The following SDR42E1 variants were observed in gnomAD, a reference collection of about 807,000 sequenced individuals.
The protein encoded by SDR42E1 is short chain dehydrogenase/reductase family 42E, member 1, also known as short-chain dehydrogenase/reductase family 42E member 1.
SDR42E1 carries 5 observed loss-of-function variants against 2.6 expected under a neutral mutation model. The observed-to-expected ratio is 1.94, with a 90% CI of 1.01 to 4.08. The LOEUF (loss-of-function observed/expected upper bound fraction) is 4.08. SDR42E1 is among the 30% of genes most tolerant of loss of function. The pLI is 0.00. For synonymous variants in SDR42E1, 231 were observed against 188.3 expected, an observed-to-expected ratio of 1.23 and a Z score of -1.86; for missense variants, 596 against 478.6, an observed-to-expected ratio of 1.25 and a Z score of -2.29.
At chr16:82,006,883 C>A (rs916014666) in intron 1 of SDR42E1, among the ~76,000 whole-genome samples, 2 of 152,214 alleles carry the variant, frequency 1.3e-5, no homozygotes, top group African/African-American at 4.8e-5. Flanking sequence ...AACCAGTATA[C>A]TCGTAATAGA....
At position 81,993,772 on chromosome 16, in the gene SDR42E1, G is replaced by A. The variant is rs1446899511; in HGVS notation, c.*5339C>T. On this transcript the variant is annotated 3_prime_UTR_variant, in exon 3 of 3. Transcript: ENST00000328945. ...TCTCATGGGGCGTTTATGTTCTGGG[G>A]AGCAAATCACTTCATCAAACAATTT... 2.6e-5 allele frequency: 4 copies of A among 152,176 alleles called. No individual in the cohort carries two copies. The highest frequency in any genetic ancestry group is 5.9e-5 in the Non-Finnish European group (4 of 68,050). The allele number at this position is 152,176 out of a possible 1,614,324, so 9.4% of individuals were successfully genotyped here. A position where few individuals can be genotyped will look rare whatever the true frequency, so the allele number is the denominator to read the frequency against.
At chr16:82,005,359 A>C (rs1201945038) in intron 1 of SDR42E1, among the ~76,000 whole-genome samples, 2 of 152,206 alleles carry the variant, frequency 1.3e-5, no homozygotes, top group Non-Finnish European at 2.9e-5. Flanking sequence ...AGATAAGAAA[A>C]ATTAATAACT....
intron 1 of SDR42E1, among the ~76,000 whole-genome samples, chr16:82,010,438 C>G (rs1455263953): frequency 2.0e-5 from 3 of 152,088 alleles, no homozygotes; most frequent in African/African-American, 7.2e-5. Flanking sequence ...TATCTTATCA[C>G]TGTGAAAGGA....
intron 1 of SDR42E1, among the ~76,000 whole-genome samples, chr16:82,003,149 G>C (rs1912822741): frequency 6.6e-6 from 1 of 152,128 alleles, no homozygotes; most frequent in African/African-American, 2.4e-5. Flanking sequence ...AGAAATACTA[G>C]GGAAACTGAG....
At chr16:82,009,308 T>C (rs1453340052) in intron 1 of SDR42E1, among the ~76,000 whole-genome samples, 1 of 152,078 alleles carries the variant, frequency 6.6e-6, no homozygotes, top group African/African-American at 2.4e-5. Flanking sequence ...CCCAGAATGG[T>C]AGATCCACCA....
intron 1 of SDR42E1, among the ~76,000 whole-genome samples, chr16:82,010,372 C>A (rs1036456566): frequency 7.9e-5 from 12 of 152,120 alleles, no homozygotes; most frequent in African/African-American, 2.9e-4. Flanking sequence ...GACTCTTAAC[C>A]ACTACATGTA....
chr16:82,010,977 T>G (rs1231847503), intron 1 of SDR42E1, among the ~76,000 whole-genome samples: 1 of 152,190 alleles, frequency 6.6e-6, no homozygotes, highest in East Asian at 1.9e-4. Flanking sequence ...AACAAATACA[T>G]GCAGTTTAAA....
rs888581597 is a variant in SDR42E1 at position 81,992,869 on chromosome 16, G to T, written c.*6242C>A. 6.6e-6 allele frequency: 1 copy of T among 152,092 alleles called. No individual in the cohort carries two copies. The highest frequency in any genetic ancestry group is 2.4e-5 in the African/African-American group (1 of 41,412). 9.4% of individuals were successfully genotyped at this position (152,092 alleles called of 1,614,324 possible). ...TGGTGTGCCCAGGTTCTAAAATACA[G>T]AAGGGTAACATGGTATGAATTTGCA... On this transcript the variant is annotated 3_prime_UTR_variant, in exon 3 of 3. Coordinates refer to ENST00000328945, the MANE Select transcript of SDR42E1 (RefSeq NM_145168.3).
rs545313924 is a variant in SDR42E1, at chr16:81,994,221, C to G, written c.*4890G>C. 6.6e-6 allele frequency: 1 copy of G among 152,340 alleles called. No homozygotes were observed. Among genetic ancestry groups the G allele is most frequent in the African/African-American group, 2.4e-5 (1 of 41,560 alleles). The allele number at this position is 152,340 out of a possible 1,614,324, so 9.4% of individuals were successfully genotyped here. ...CGGAACCCCAGTGTAGTCACCAGGA[C>G]CTCCTCCCTCTCCATTTTTTGGCTC... On this transcript the variant is annotated 3_prime_UTR_variant, in exon 3 of 3. Coordinates refer to ENST00000328945, the MANE Select transcript of SDR42E1 (RefSeq NM_145168.3).
In SDR42E1 at chr16:81,991,703, C is replaced by T. The variant is rs1226777162; in HGVS notation, c.*7408G>A. 1 of 129,034 alleles carries T rather than the reference C, an allele frequency of 7.7e-6. No homozygotes were observed. The highest frequency in any genetic ancestry group is 3.8e-5 in the African/African-American group (1 of 26,174). The allele number at this position is 129,034 out of a possible 1,614,324, so 8.0% of individuals were successfully genotyped here. A position where few individuals can be genotyped will look rare whatever the true frequency, so the allele number is the denominator to read the frequency against. On this transcript the variant is annotated 3_prime_UTR_variant, in exon 3 of 3. Coordinates refer to ENST00000328945, the MANE Select transcript of SDR42E1 (RefSeq NM_145168.3). Reference sequence around the variant, plus strand: ...TCTAGCCTGGGTGACAGACGAGACTCTATCAAAAAAAAAAAAAAAAAAATT... The same window carrying T: ...TCTAGCCTGGGTGACAGACGAGACTTTATCAAAAAAAAAAAAAAAAAAATT...
intron 1 of SDR42E1, among the ~76,000 whole-genome samples, chr16:82,002,912 A>C (rs1912815790): frequency 1.3e-5 from 2 of 152,218 alleles, no homozygotes; most frequent in Admixed American, 6.5e-5. Flanking sequence ...CACACTCCAG[A>C]GTTTAGAGAT....
Position 81,999,938 on chromosome 16 carries a change from C to T in SDR42E1, c.355G>A (p.Val119Ile), listed in dbSNP as rs554536374. The change falls in exon 3 of 3, where the codon GTT becomes ATT. Residue 119 changes from valine (V) to isoleucine (I), a missense_variant. Val to Ile is a conservative substitution (Grantham distance 29). Transcript: ENST00000328945. Reference sequence around the variant, plus strand: ...ATGACATTGAAAGTGCTGGTGTAAACTAACCTGGGCACCCTTCTCCTTTGG... The same window carrying T: ...ATGACATTGAAAGTGCTGGTGTAAATTAACCTGGGCACCCTTCTCCTTTGG... ...VCQRRRVPRL[V>I]YTSTFNVIFG... The T allele has an allele frequency of 6.2e-7, 1 of 1,614,206 alleles. No individual in the cohort carries two copies. The highest frequency in any genetic ancestry group is 1.3e-5 in the African/African-American group (1 of 75,054).
At position 81,999,416 on chromosome 16, in the gene SDR42E1, G is replaced by C. The variant is rs1567562943; in HGVS notation, c.877C>G (p.Leu293Val). The C allele has an allele frequency of 6.2e-7, 1 of 1,614,058 alleles. No homozygotes were observed. The highest frequency in any genetic ancestry group is 1.3e-5 in the African/African-American group (1 of 74,924). Residue 293 changes from leucine to valine, a missense_variant, in exon 3 of 3, where the codon CTA (leucine) becomes GTA (valine). By Grantham distance (32) the Leu-to-Val change is conservative. Coordinates refer to ENST00000328945, the MANE Select transcript of SDR42E1 (RefSeq NM_145168.3). ...PLTLVYCFAF[L>V]TEMVHFILGR... The stretch of plus-strand genomic sequence containing the variant: ...AAAATGAAGTGAACCATCTCTGTTA[G>C]AAAAGCAAAGCAGTAGACCAAGGTC...
intron 1 of SDR42E1, among the ~76,000 whole-genome samples, chr16:82,009,397 C>G (rs577290367): frequency 6.6e-6 from 1 of 152,356 alleles, no homozygotes; most frequent in East Asian, 1.9e-4. Flanking sequence ...GGGCTGTACC[C>G]TGCAAAACCA....
Position 81,992,539 on chromosome 16 carries a change from T to C in SDR42E1, c.*6572A>G, listed in dbSNP as rs1912450884. On this transcript the variant is annotated 3_prime_UTR_variant, in exon 3 of 3. Transcript: ENST00000328945. ...ATATATGGGTAAGACAGTATTTTAC[T>C]CTTGGATCTGAAATATGGCTCCACT... 1 of 152,206 alleles carries C rather than the reference T, an allele frequency of 6.6e-6. No homozygotes were observed. Among genetic ancestry groups the C allele is most frequent in the South Asian group, 2.1e-4 (1 of 4,836 alleles). The allele number at this position is 152,206 out of a possible 1,614,324, so 9.4% of individuals were successfully genotyped here.
chr16:82,011,114 A>G (rs1014279184), intron 1 of SDR42E1, among the ~76,000 whole-genome samples: 4 of 152,246 alleles, frequency 2.6e-5, no homozygotes, highest in African/African-American at 9.6e-5. Context: ...ACCTGTGGAA[A>G]GTTCGGAGCT....
At position 81,994,328 on chromosome 16, in the gene SDR42E1, G is replaced by T. The variant is rs1018618215; in HGVS notation, c.*4783C>A. The T allele has an allele frequency of 2.0e-5, 3 of 152,246 alleles. No individual in the cohort carries two copies. The highest frequency in any genetic ancestry group is 7.2e-5 in the African/African-American group (3 of 41,440). The allele number at this position is 152,246 out of a possible 1,614,324, so 9.4% of individuals were successfully genotyped here. ...CTTCAGGTAGGAGGACCCTGAAGAG[G>T]AGCTGCACCAAGCGCCTGTCCTCCC... On this transcript the variant is annotated 3_prime_UTR_variant, in exon 3 of 3. Transcript: ENST00000328945.
At chr16:82,001,178 GA>G (rs2143852001) in intron 1 of SDR42E1, among the ~76,000 whole-genome samples, 1 of 152,198 alleles carries the variant, frequency 6.6e-6, no homozygotes, top group South Asian at 2.1e-4. Context: ...AAAACGTTTC[GA>G]ACATAAGGCA....
chr16:81,991,777 C>G lies in SDR42E1; in HGVS notation c.*7334G>C, dbSNP rs1247917812. 3.3e-5 allele frequency: 5 copies of G among 151,864 alleles called. No individual in the cohort carries two copies. The highest frequency in any genetic ancestry group is 9.7e-5 in the African/African-American group (4 of 41,264). 9.4% of individuals were successfully genotyped at this position (151,864 alleles called of 1,614,324 possible). A position where few individuals can be genotyped will look rare whatever the true frequency, so the allele number is the denominator to read the frequency against. ...GGCTCAAATTTAAGTTTTGCCACTT[C>G]CTAGCTGGTGACGCTGGGTACCCTT... On this transcript the variant is annotated 3_prime_UTR_variant, in exon 3 of 3. Transcript: ENST00000328945.
Sources: gnomAD v4.1 joint callset for allele counts (sites outside exome capture counted in the v4.1 genomes callset) on GRCh38, gnomAD v4.1.1 for gene constraint, MANE v1.5 for transcripts, NCBI Gene and HGNC (gene_info 2026-07-23, HGNC 2026-07-21) for gene names.